TBC1D32: variants seen among roughly 807,000 people sequenced by gnomAD.
TBC1D32 encodes the protein TBC1 domain family member 32.
TBC1D32 carries 151 observed loss-of-function variants against 170.3 expected under a neutral mutation model. The observed-to-expected ratio is 0.89, with a 90% CI of 0.78 to 1.01. The LOEUF (loss-of-function observed/expected upper bound fraction) is 1.01. TBC1D32 is among the 50% of genes least tolerant of loss of function. The pLI, the probability that TBC1D32 is intolerant of heterozygous loss-of-function variation, is 0.00. For synonymous variants in TBC1D32, 498 were observed against 488.0 expected, an observed-to-expected ratio of 1.02 and a Z score of -0.27; for missense variants, 1,464 against 1,457.1, an observed-to-expected ratio of 1.00 and a Z score of -0.08.
At chr6:121,145,737 AAAAT>A (rs1338007473) in intron 24 of TBC1D32, among the ~76,000 whole-genome samples, 4 of 152,184 alleles carry the variant, frequency 2.6e-5, no homozygotes, top group African/African-American at 7.2e-5. Context: ...TATCAATTAA[AAAAT>A]AAATTAATTT....
intron 20 of TBC1D32, among the ~76,000 whole-genome samples, chr6:121,233,742 T>C (rs953272797): frequency 3.3e-5 from 5 of 152,194 alleles, no homozygotes; most frequent in African/African-American, 1.2e-4. Context: ...ACTGTTCTAT[T>C]CATCAAGCTA....
chr6:121,172,014 C>G (rs768876820), intron 22 of TBC1D32, among the ~76,000 whole-genome samples: 8 of 152,018 alleles, frequency 5.3e-5, no homozygotes, highest in Non-Finnish European at 1.0e-4. Flanking sequence ...ACAAAATAAA[C>G]TGAAGGGCAG....
chr6:121,317,721 AAC>A (rs776317106), intron 2 of TBC1D32, 49 bp from the exon 3 acceptor site: 24 of 1,337,516 alleles, frequency 1.8e-5, no homozygotes, highest in East Asian at 2.5e-5. Flanking sequence ...CAGAAATTAA[AAC>A]AGTCAACTAG....
At position 121,241,491 on chromosome 6, in the gene TBC1D32, G is replaced by A. The variant is rs1563040924; in HGVS notation, c.2219C>T (p.Ala740Val). The change falls in exon 19 of 32, where the codon GCA becomes GTA. Residue 740 changes from alanine to valine, a missense_variant. This residue lies in a region of TBC1D32 where 1,363 missense variants were observed against 1,338.1 expected (regional missense o/e 1.02). Coordinates refer to ENST00000398212, the MANE Select transcript of TBC1D32 (RefSeq NM_152730.6). ...VLVTRVASTAAGGIALKKSGF... is the reference protein window; with the variant it reads ...VLVTRVASTAVGGIALKKSGF... ...TGACTTTTTTAGTGCAATGCCACCT[G>A]CTGCTGTTGATGCCACTCGTGTAAC... 1 of 1,613,334 alleles carries A rather than the reference G, an allele frequency of 6.2e-7. No homozygotes were observed. Among genetic ancestry groups the A allele is most frequent in the Non-Finnish European group, 8.5e-7 (1 of 1,179,630 alleles).
At chr6:121,214,265 C>T (rs1205030156) in intron 21 of TBC1D32, among the ~76,000 whole-genome samples, 1 of 152,176 alleles carries the variant, frequency 6.6e-6, no homozygotes, top group Non-Finnish European at 1.5e-5. Flanking sequence ...GTTGATTCAC[C>T]AGCTGGAAAC....
chr6:121,151,769 C>A (rs1444020000), intron 24 of TBC1D32, among the ~76,000 whole-genome samples: 1 of 152,090 alleles, frequency 6.6e-6, no homozygotes, highest in African/African-American at 2.4e-5. Flanking sequence ...CCTTCATTGT[C>A]TTTTTTGATC....
At chr6:121,197,247 G>A (rs963071887) in intron 22 of TBC1D32, among the ~76,000 whole-genome samples, 4 of 152,150 alleles carry the variant, frequency 2.6e-5, no homozygotes, top group Non-Finnish European at 5.9e-5. Flanking sequence ...TGTGATTAAG[G>A]TCAATGGGAA....
intron 26 of TBC1D32, among the ~76,000 whole-genome samples, chr6:121,124,975 A>G (rs1780673799): frequency 6.6e-6 from 1 of 152,160 alleles, no homozygotes; most frequent in Admixed American, 6.6e-5. Flanking sequence ...CCTTAAAACA[A>G]TTTAGAAATC....
chr6:121,142,761 G>A (rs1782950532), intron 24 of TBC1D32, among the ~76,000 whole-genome samples: 1 of 152,114 alleles, frequency 6.6e-6, no homozygotes. Flanking sequence ...ATGCTGAAAT[G>A]CAACATAGTA....
At chr6:121,258,987 A>G (rs970374259) in intron 15 of TBC1D32, among the ~76,000 whole-genome samples, 20 of 151,852 alleles carry the variant, frequency 1.3e-4, no homozygotes, top group African/African-American at 3.1e-4. Flanking sequence ...ATTAAAAAAA[A>G]AAAGAAAGAA....
At chr6:121,136,988 T>C (rs1357642711) in intron 24 of TBC1D32, among the ~76,000 whole-genome samples, 4 of 152,100 alleles carry the variant, frequency 2.6e-5, no homozygotes, top group African/African-American at 9.6e-5. Flanking sequence ...AGTATATGCA[T>C]GTGTAAAATG....
chr6:121,190,801 A>G (rs1252644941), intron 22 of TBC1D32, among the ~76,000 whole-genome samples: 1 of 152,180 alleles, frequency 6.6e-6, no homozygotes, highest in Non-Finnish European at 1.5e-5. Flanking sequence ...GAATGATTCT[A>G]TGAAGTTTAG....
At chr6:121,082,847 A>T (rs1775780943) in intron 31 of TBC1D32, among the ~76,000 whole-genome samples, 1 of 152,004 alleles carries the variant, frequency 6.6e-6, no homozygotes, top group East Asian at 1.9e-4. Flanking sequence ...GATACCCATA[A>T]AAATGACACA....
chr6:121,228,715 A>G (rs1795353817), intron 20 of TBC1D32, among the ~76,000 whole-genome samples: 1 of 152,138 alleles, frequency 6.6e-6, no homozygotes, highest in Non-Finnish European at 1.5e-5. Flanking sequence ...AAGAATGCGT[A>G]TTCTGTAGTC....
intron 15 of TBC1D32, among the ~76,000 whole-genome samples, chr6:121,264,688 C>CCAG (rs774316692): frequency 6.6e-6 from 1 of 152,188 alleles, no homozygotes; most frequent in Non-Finnish European, 1.5e-5. Context: ...CAAACCAAAT[C>CCAG]CAGCAGCACA....
At chr6:121,120,210 G>A (rs1780114313) in intron 26 of TBC1D32, among the ~76,000 whole-genome samples, 1 of 151,962 alleles carries the variant, frequency 6.6e-6, no homozygotes. Flanking sequence ...GCTTCAGCTG[G>A]AACCTTTAAG....
At chr6:121,273,167 G>C (rs1454585597) in intron 15 of TBC1D32, among the ~76,000 whole-genome samples, 1 of 151,840 alleles carries the variant, frequency 6.6e-6, no homozygotes, top group African/African-American at 2.4e-5. Context: ...TAAATGACAA[G>C]TTAATGGGTG....
rs1191358364 is a variant in TBC1D32 at position 121,192,081 on chromosome 6, T to TATATATATCTCC, written c.2570+12993_2570+12994insGGAGATATATAT. Among the ~76,000 whole-genome samples the TATATATATCTCC allele has an allele frequency of 1.1e-4, 14 of 132,464 alleles. 1 individual carries two copies. The highest frequency in any genetic ancestry group is 5.0e-4 in the Admixed American group (5 of 9,922). 86.9% of individuals were successfully genotyped at this position (132,464 alleles called of 152,430 possible). A position where few individuals can be genotyped will look rare whatever the true frequency, so the allele number is the denominator to read the frequency against. On this transcript the variant is annotated intron_variant, in intron 22 of 31. Coordinates refer to ENST00000398212, the MANE Select transcript of TBC1D32 (RefSeq NM_152730.6). ...AAACTACCCTTTATATATATATATA[T>TATATATATCTCC]ATCCTATTAGTTCTATCCTTCTGGG... is the stretch of plus-strand genomic sequence containing the variant.
At chr6:121,233,537 C>A (rs1795986125) in intron 20 of TBC1D32, among the ~76,000 whole-genome samples, 2 of 152,244 alleles carry the variant, frequency 1.3e-5, no homozygotes, top group South Asian at 4.1e-4. Flanking sequence ...CTCCTGCTCA[C>A]TTTTAGTGTC....
Sources: allele counts gnomAD v4.1 joint callset (sites outside exome capture counted in the v4.1 genomes callset), GRCh38; gene constraint gnomAD v4.1.1; regional missense constraint gnomAD v4.1.1; transcripts MANE v1.5; gene names NCBI Gene and HGNC (gene_info 2026-07-23, HGNC 2026-07-21).